MIB2: variants seen among roughly 807,000 people sequenced by gnomAD.
The protein encoded by MIB2 is E3 ubiquitin-protein ligase MIB2.
A neutral mutation model predicts 96.6 loss-of-function variants in MIB2; 78 were observed. The ratio of observed to expected loss-of-function variants is 0.81; its 90% CI spans 0.67 to 0.97. The LOEUF is 0.97. MIB2 is among the 50% of genes least tolerant of loss of function. The probability of loss-of-function intolerance (pLI) is 0.00; values close to 1 mark genes in which losing one functional copy is unlikely to be tolerated. For missense variants in MIB2, 1,543 were observed against 1,424.0 expected (o/e 1.08, Z -1.35); for synonymous variants, 820 against 629.5 (o/e 1.30, Z -4.53).
At position 1,626,758 on chromosome 1, in the gene MIB2, A is replaced by G. The variant is rs2100512144; in HGVS notation, c.1077+4A>G. 1 of 1,574,444 alleles carries G rather than the reference A, an allele frequency of 6.4e-7. No homozygotes were observed. Among genetic ancestry groups the G allele is most frequent in the Non-Finnish European group, 8.6e-7 (1 of 1,163,616 alleles). On this transcript the variant is annotated splice_donor_region_variant and intron_variant, in intron 9 of 19. Coordinates refer to ENST00000355826, the MANE Select transcript of MIB2 (RefSeq NM_001170687.4). This position sits in a 1 kb window ranked among gnomAD's most constrained non-coding sequence, Gnocchi z 5.3. ...GTGGACGGACGACATGGCCCCTGTG[A>G]GTCCCCCTGCCACCCCCGCCGCTAG...
chr1:1,624,170 G>A (rs544950948), intron 4 of MIB2: 51 of 584,574 alleles, frequency 8.7e-5, no homozygotes, highest in Non-Finnish European at 1.4e-4. Context: ...CATCCCCCAG[G>A]GCGGCATGAG....
rs1450800801 is a variant in MIB2 at position 1,630,276 on chromosome 1, G to A, written c.2630-16G>A. 4 of 676,012 alleles carry A rather than the reference G, an allele frequency of 5.9e-6. No individual in the cohort carries two copies. Among genetic ancestry groups the A allele is most frequent in the South Asian group, 2.3e-5 (1 of 44,204 alleles). 41.9% of individuals were successfully genotyped at this position (676,012 alleles called of 1,614,324 possible). A position where few individuals can be genotyped will look rare whatever the true frequency, so the allele number is the denominator to read the frequency against. On this transcript the variant is annotated splice_polypyrimidine_tract_variant and intron_variant, in intron 19 of 19. Transcript: ENST00000355826. ...CCACCCGGCCTCCCAGCTCACACCC[G>A]TCCCCCACCCCGCAGACGGCTCTGA... is the stretch of plus-strand genomic sequence containing the variant.
At position 1,628,029 on chromosome 1, in the gene MIB2, C is replaced by G. The variant is rs544635620; in HGVS notation, c.1691C>G (p.Ser564Trp). 6.2e-7 allele frequency: 1 copy of G among 1,612,588 alleles called. No homozygotes were observed. The highest frequency in any genetic ancestry group is 2.2e-5 in the East Asian group (1 of 44,850). ...GCDVNLPDAH[S>W]DTPLHSAISA... ...ACTCCGCCCCAGCAGGACGCCCACT[C>G]GGACACGCCCCTGCACTCCGCCATC... The change falls in exon 14 of 20, where the codon TCG (serine) becomes TGG (tryptophan). Residue 564 changes from serine to tryptophan, a missense_variant. Ser to Trp is a radical substitution (Grantham distance 177, BLOSUM62 -3). Transcript: ENST00000355826.
intron 16 of MIB2, 67 bp downstream of exon 16, chr1:1,628,789 C>A: frequency 7.7e-7 from 1 of 1,302,740 alleles, no homozygotes; most frequent in Non-Finnish European, 1.0e-6. Context: ...CTGGGCAGGG[C>A]CTGTGCCACT....
rs117489126 is a variant in MIB2 at position 1,625,671 on chromosome 1, C to T, written c.972+18C>T. The stretch of plus-strand genomic sequence containing the variant: ...TCACCAAGGTGCCGGGGGGGCTGGG[C>T]TGCGCCTCATCTGCTTGCTTCTGTA... On this transcript the variant is annotated intron_variant, in intron 8 of 19. Coordinates refer to ENST00000355826, the MANE Select transcript of MIB2 (RefSeq NM_001170687.4). This position sits in a 1 kb window ranked among gnomAD's most constrained non-coding sequence, Gnocchi z 5.0. The T allele has an allele frequency of 1.5e-3, 2,283 of 1,543,572 alleles. 55 individuals are homozygous for T. The East Asian group carries it at 0.046, about 31-fold the overall frequency.
At chr1:1,623,265 G>A (rs972308906) in intron 2 of MIB2, 166 bp from the exon 3 acceptor site, 24 of 1,186,482 alleles carry the variant, frequency 2.0e-5, no homozygotes, top group African/African-American at 1.8e-4. Flanking sequence ...GCCAGACTGC[G>A]GGCCTCCTTG....
chr1:1,629,069 A>G (rs1645100047), intron 16 of MIB2, 64 bp from the exon 17 acceptor site: 3 of 1,366,310 alleles, frequency 2.2e-6, no homozygotes, highest in South Asian at 3.3e-5. Flanking sequence ...GCCAGGTGCC[A>G]GGAGACGCCT....
In MIB2 at chr1:1,627,190, C is replaced by T. The variant is rs187253621; in HGVS notation, c.1357C>T (p.Arg453Trp). 172 of 1,597,844 alleles carry T rather than the reference C, an allele frequency of 1.1e-4. No homozygotes were observed. The highest frequency in any genetic ancestry group is 5.0e-4 in the Middle Eastern group (3 of 6,050). The change falls in exon 11 of 20, where the codon CGG becomes TGG. Residue 453 changes from arginine to tryptophan, a missense_variant. Coordinates refer to ENST00000355826, the MANE Select transcript of MIB2 (RefSeq NM_001170687.4). ...CGCAGCCCGGGCTCTGGACCTGCTG[C>T]GGAGGCGCCCAGAGCAGGCAAGCTC... ...GNAARALDLLRRRPEQVDTKN... is the reference protein window; with the variant it reads ...GNAARALDLLWRRPEQVDTKN...
At chr1:1,615,695 T>C in intron 1 of MIB2, 62 bp downstream of exon 1, 1 of 1,519,606 alleles carries the variant, frequency 6.6e-7, no homozygotes, top group Non-Finnish European at 8.8e-7. Flanking sequence ...CGTTCTCCGC[T>C]CTGGCAGAAC....
At chr1:1,624,710 C>T (rs1644572582) in intron 4 of MIB2, 85 bp from the exon 5 acceptor site, 2 of 1,283,516 alleles carry the variant, frequency 1.6e-6, no homozygotes, top group East Asian at 2.5e-5. Context: ...GGGGCCTGCT[C>T]CACTGCATCG....
intron 1 of MIB2, 22 bp from the exon 2 acceptor site, chr1:1,616,486 T>G: frequency 6.6e-7 from 1 of 1,521,500 alleles, no homozygotes; most frequent in Non-Finnish European, 8.9e-7. Flanking sequence ...CTGTGCATCT[T>G]GGCATCTCCC....
Position 1,626,985 on chromosome 1 carries a change from C to T in MIB2, c.1226C>T (p.Ala409Val). ...GCCAACCTGGACGTGGCCGAGCGCG[C>T]CCGGGAGAACAAAAGTGCGGCACAG... ...EDANLDVAERARENKSSLSVA... is the reference protein window; with the variant it reads ...EDANLDVAERVRENKSSLSVA... Residue 409 changes from alanine (A) to valine (V), a missense_variant, in exon 10 of 20, where the codon GCC becomes GTC. Ala to Val is a moderately conservative substitution (Grantham distance 64). Transcript: ENST00000355826. The surrounding 1 kb of genome is among the most constrained non-coding windows in gnomAD (Gnocchi z 5.3). 1.2e-6 allele frequency: 2 copies of T among 1,611,356 alleles called. No individual in the cohort carries two copies. Among genetic ancestry groups the T allele is most frequent in the Non-Finnish European group, 1.7e-6 (2 of 1,179,362 alleles).
rs769331040 is a variant in MIB2 at position 1,630,342 on chromosome 1, C to T, written c.2680C>T (p.Leu894=). Residue 894 remains leucine, a synonymous_variant, in exon 20 of 20, where the codon CTG becomes TTG. Coordinates refer to ENST00000355826, the MANE Select transcript of MIB2 (RefSeq NM_001170687.4). ...AAPAPGPPRQ[L]VEELQSRYRQ... is the part of the protein sequence containing the mutation. Reference sequence around the variant, plus strand: ...CCCCGCCCCCGGCCCGCCGCGCCAGCTGGTGGAGGAGCTGCAGAGCCGCTA... The same window carrying T: ...CCCCGCCCCCGGCCCGCCGCGCCAGTTGGTGGAGGAGCTGCAGAGCCGCTA... 3 of 1,534,410 alleles carry T rather than the reference C, an allele frequency of 2.0e-6. No homozygotes were observed. Among genetic ancestry groups the T allele is most frequent in the Non-Finnish European group, 2.6e-6 (3 of 1,142,838 alleles).
upstream of MIB2, chr1:1,614,454 T>C (rs1017922368): frequency 2.0e-5 from 3 of 152,240 alleles, no homozygotes; most frequent in African/African-American, 7.2e-5. Flanking sequence ...CAGCCAGTGG[T>C]TTTTGTTACA....
At chr1:1,628,468 C>T in intron 15 of MIB2, 21 bp from the exon 16 acceptor site, 4 of 1,594,764 alleles carry the variant, frequency 2.5e-6, no homozygotes, top group East Asian at 2.3e-5. Flanking sequence ...CTGGGCTGAG[C>T]CCGTCCCCAC....
chr1:1,616,761 C>CT, intron 2 of MIB2, 147 bp downstream of exon 2: 2 of 628,426 alleles, frequency 3.2e-6, no homozygotes, highest in Non-Finnish European at 5.5e-6. Flanking sequence ...CGTCTCCTCT[C>CT]TGAGTTCGGA....
intron 4 of MIB2, among the ~76,000 whole-genome samples, chr1:1,624,489 G>GACCGC (rs1644552453): frequency 6.6e-6 from 1 of 152,196 alleles, no homozygotes; most frequent in Admixed American, 6.5e-5. Flanking sequence ...GGCATGAAGC[G>GACCGC]ACCGCACCCA....
chr1:1,615,871 C>T (rs1643583339), intron 1 of MIB2: 1 of 1,103,716 alleles, frequency 9.1e-7, no homozygotes, highest in African/African-American at 1.7e-5. Context: ...CGGCAGGCCT[C>T]GCGCGGCCCG....
chr1:1,623,783 A>T lies in MIB2; in HGVS notation c.257A>T (p.His86Leu). 6.3e-7 allele frequency: 1 copy of T among 1,599,052 alleles called. No individual in the cohort carries two copies. The highest frequency in any genetic ancestry group is 8.5e-7 in the Non-Finnish European group (1 of 1,173,762). The change falls in exon 4 of 20, where the codon CAC (histidine) becomes CTC (leucine). Residue 86 changes from histidine (H) to leucine (L), a missense_variant. His to Leu is a moderately conservative substitution (Grantham distance 99). Transcript: ENST00000355826. ...CCCACCCCACCCCCAGGCGTCCGGCACCCCAACATCATCTGTGACTGCTGC... is the reference window on the plus strand; with the variant it reads ...CCCACCCCACCCCCAGGCGTCCGGCTCCCCAACATCATCTGTGACTGCTGC... ...LYDNAQIGVRHPNIICDCCKK... is the reference protein window; with the variant it reads ...LYDNAQIGVRLPNIICDCCKK...
Sources: gnomAD v4.1 joint callset for allele counts (sites outside exome capture counted in the v4.1 genomes callset) on GRCh38, gnomAD v4.1.1 for gene constraint, Gnocchi (gnomAD v3.1) non-coding constraint, MANE v1.5 for transcripts, NCBI Gene and HGNC (gene_info 2026-07-23, HGNC 2026-07-21) for gene names.